The following MYBPC1 variants were observed in gnomAD, a reference collection of about 807,000 sequenced individuals.
MYBPC1 encodes the protein myosin-binding protein C, slow-type.
MYBPC1 carries 52 observed loss-of-function variants against 147.1 expected under a neutral mutation model. That is an observed-to-expected ratio of 0.35 (90% confidence interval 0.28 to 0.45). The LOEUF (loss-of-function observed/expected upper bound fraction) is 0.45. MYBPC1 is among the 20% of genes least tolerant of loss of function. MYBPC1 has a pLI of 1.00. For missense variants in MYBPC1, 1,228 were observed against 1,440.3 expected, an observed-to-expected ratio of 0.85 and a Z score of 2.39; for synonymous variants, 477 against 475.9, an observed-to-expected ratio of 1.00 and a Z score of -0.03.
downstream of MYBPC1, among the ~76,000 whole-genome samples, chr12:101,686,980 C>T (rs1407692502): frequency 6.6e-6 from 1 of 152,116 alleles, no homozygotes; most frequent in Admixed American, 6.5e-5. Flanking sequence ...CCTATGCTCC[C>T]AAAAACTCCA....
At chr12:101,608,483 C>G (rs946077426) in intron 1 of MYBPC1, among the ~76,000 whole-genome samples, 6 of 152,218 alleles carry the variant, frequency 3.9e-5, no homozygotes, top group Non-Finnish European at 1.5e-5. Flanking sequence ...CAGAACTTTG[C>G]CCTTTGGCTT....
In MYBPC1 at chr12:101,629,466, G is replaced by A. The variant is rs1889367765; in HGVS notation, c.211G>A (p.Glu71Lys). The A allele has an allele frequency of 6.2e-7, 1 of 1,613,842 alleles. No homozygotes were observed. The highest frequency in any genetic ancestry group is 8.5e-7 in the Non-Finnish European group (1 of 1,179,872). Residue 71 changes from glutamate to lysine, a missense_variant, in exon 6 of 32, where the codon GAA becomes AAA. This residue lies in a region of MYBPC1 where 151 missense variants were observed against 126.1 expected (regional missense o/e 1.20). Coordinates refer to ENST00000361466, the MANE Select transcript of MYBPC1 (RefSeq NM_002465.4). ...WTLVETPPGE[E>K]QAKQNANSQL... ...CCTTGTCGAAACTCCTCCTGGGGAGGAACAAGCCAAGCAGAATGCCAACTC... is the reference window on the plus strand; with the variant it reads ...CCTTGTCGAAACTCCTCCTGGGGAGAAACAAGCCAAGCAGAATGCCAACTC...
chr12:101,633,186 A>G (rs1409651126), intron 8 of MYBPC1, among the ~76,000 whole-genome samples: 7 of 152,166 alleles, frequency 4.6e-5, no homozygotes, highest in Admixed American at 4.6e-4. Context: ...CTTCTCGAGT[A>G]GAGTAACCAG....
Position 101,629,616 on chromosome 12 carries a change from T to C in MYBPC1, c.289+72T>C, listed in dbSNP as rs1889426180. On this transcript the variant is annotated intron_variant, in intron 6 of 31. Coordinates refer to ENST00000361466, the MANE Select transcript of MYBPC1 (RefSeq NM_002465.4). ...AGCCGAGCACGGTGCCTCACGCCTG[T>C]AATCCCAGCACTCTGGGAGGTCCAG... is the stretch of plus-strand genomic sequence containing the variant. 4 of 1,095,518 alleles carry C rather than the reference T, an allele frequency of 3.7e-6. No individual in the cohort carries two copies. In the Admixed American group the frequency reaches 7.7e-5, roughly 21 times the overall value. The allele number at this position is 1,095,518 out of a possible 1,614,324, so 67.9% of individuals were successfully genotyped here. A position where few individuals can be genotyped will look rare whatever the true frequency, so the allele number is the denominator to read the frequency against.
At chr12:101,638,117 T>C (rs1032078965) in intron 10 of MYBPC1, among the ~76,000 whole-genome samples, 1 of 152,196 alleles carries the variant, frequency 6.6e-6, no homozygotes, top group Non-Finnish European at 1.5e-5. Flanking sequence ...TGTGACTCCA[T>C]ATTAAAGATA....
Position 101,603,308 on chromosome 12 carries a change from G to A in MYBPC1, c.25+8213G>A, listed in dbSNP as rs147499913. Reference sequence around the variant, plus strand: ...TGTGGTGAGCCAAGATCGCGCCATTGCACTCCAACCTGGGCAACAAGAGTG... The same window carrying A: ...TGTGGTGAGCCAAGATCGCGCCATTACACTCCAACCTGGGCAACAAGAGTG... On this transcript the variant is annotated intron_variant, in intron 1 of 31. Coordinates refer to ENST00000361466, the MANE Select transcript of MYBPC1 (RefSeq NM_002465.4). Among the ~76,000 whole-genome samples, 1,077 of 151,488 alleles carry A rather than the reference G, an allele frequency of 7.1e-3. 12 individuals carry two copies. The highest frequency in any genetic ancestry group is 0.025 in the African/African-American group (1,013 of 41,220).
Position 101,677,359 on chromosome 12 carries a change from C to G in MYBPC1, c.3074C>G (p.Thr1025Ser). Residue 1025 changes from threonine (T) to serine (S), a missense_variant, in exon 27 of 32, where the codon ACC becomes AGC. Coordinates refer to ENST00000361466, the MANE Select transcript of MYBPC1 (RefSeq NM_002465.4). The part of the protein sequence containing the change: ...ENMCGLSEDA[T>S]MTKESAVIAR... Reference sequence around the variant, plus strand: ...ATGTGTGGCCTCAGTGAGGATGCCACCATGACTAAAGAGAGTGCAGTGATC... The same window carrying G: ...ATGTGTGGCCTCAGTGAGGATGCCAGCATGACTAAAGAGAGTGCAGTGATC... The G allele has an allele frequency of 6.2e-7, 1 of 1,613,894 alleles. No individual in the cohort carries two copies. The highest frequency in any genetic ancestry group is 1.7e-4 in the Middle Eastern group (1 of 6,060).
intron 1 of MYBPC1, among the ~76,000 whole-genome samples, chr12:101,604,858 T>C (rs558570234): frequency 1.3e-5 from 2 of 152,316 alleles, no homozygotes; most frequent in South Asian, 4.1e-4. Context: ...ATAGACGCCA[T>C]TCCAGGTAAT....
intron 28 of MYBPC1, among the ~76,000 whole-genome samples, chr12:101,680,130 A>T (rs1324596542): frequency 1.3e-5 from 2 of 152,234 alleles, no homozygotes; most frequent in Non-Finnish European, 2.9e-5. Flanking sequence ...CTCTGAACAC[A>T]TCTGGCTTTC....
intron 1 of MYBPC1, among the ~76,000 whole-genome samples, chr12:101,611,220 TGCC>T (rs1884174193): frequency 2.6e-5 from 4 of 152,252 alleles, no homozygotes; most frequent in African/African-American, 9.6e-5. Context: ...ATAATGTTTC[TGCC>T]ATTCTCTCTG....
chr12:101,616,011 G>A (rs1435548683), intron 2 of MYBPC1, among the ~76,000 whole-genome samples: 1 of 151,998 alleles, frequency 6.6e-6, no homozygotes, highest in Non-Finnish European at 1.5e-5. Context: ...AGCAGAGATT[G>A]TTTTTCAGGA....
chr12:101,637,425 A>G (rs1013396693), intron 10 of MYBPC1, among the ~76,000 whole-genome samples: 3 of 152,102 alleles, frequency 2.0e-5, no homozygotes, highest in African/African-American at 7.2e-5. Context: ...ATATATTTCT[A>G]TAACTGCTAT....
the MYBPC1 span, among the ~76,000 whole-genome samples, chr12:101,695,064 A>G: frequency 6.6e-6 from 1 of 152,168 alleles, no homozygotes. Flanking sequence ...CTTCAACTTC[A>G]CCAGATCATG....
chr12:101,669,948 A>G (rs950516600), intron 23 of MYBPC1: 4 of 351,734 alleles, frequency 1.1e-5, no homozygotes, highest in Admixed American at 4.3e-5. Flanking sequence ...AAGAAAAAAA[A>G]AAAGAAACTA....
chr12:101,616,824 T>A (rs1039584908), intron 2 of MYBPC1, among the ~76,000 whole-genome samples: 16 of 152,352 alleles, frequency 1.1e-4, no homozygotes, highest in African/African-American at 3.8e-4. Context: ...TGGGGCAAAC[T>A]GACTTTTCTT....
intron 10 of MYBPC1, among the ~76,000 whole-genome samples, chr12:101,637,703 T>C (rs919341504): frequency 6.6e-6 from 1 of 152,206 alleles, no homozygotes; most frequent in Non-Finnish European, 1.5e-5. Flanking sequence ...ATATGCTTCA[T>C]AACAAATTAC....
chr12:101,670,961 A>G (rs1364355457), intron 24 of MYBPC1, among the ~76,000 whole-genome samples: 1 of 148,576 alleles, frequency 6.7e-6, no homozygotes, highest in East Asian at 2.0e-4. Context: ...TTTACTTACA[A>G]TAGTCAATTT....
At chr12:101,644,161 C>T (rs1311787732) in intron 11 of MYBPC1, among the ~76,000 whole-genome samples, 3 of 152,118 alleles carry the variant, frequency 2.0e-5, no homozygotes, top group African/African-American at 4.8e-5. Context: ...CTCAGCCTCC[C>T]GAGTAGCTGG....
chr12:101,676,025 A>C (rs1899892233), intron 26 of MYBPC1, among the ~76,000 whole-genome samples: 1 of 152,220 alleles, frequency 6.6e-6, no homozygotes, highest in African/African-American at 2.4e-5. Context: ...GCAACCCAGG[A>C]TGGCTTTGAA....
Sources: gnomAD v4.1 joint callset for allele counts (sites outside exome capture counted in the v4.1 genomes callset) on GRCh38, gnomAD v4.1.1 for gene constraint, gnomAD v4.1.1 regional missense constraint, MANE v1.5 for transcripts, NCBI Gene and HGNC (gene_info 2026-07-23, HGNC 2026-07-21) for gene names.